JAG2: variants seen among roughly 807,000 people sequenced by gnomAD.
JAG2 encodes protein jagged-2.
A neutral mutation model predicts 141.7 loss-of-function variants in JAG2; 46 were observed. That is an observed-to-expected ratio of 0.32 (90% CI 0.26 to 0.42). The LOEUF (loss-of-function observed/expected upper bound fraction) is 0.42. Among genes scored for constraint, JAG2 ranks in the 10% least tolerant of loss-of-function variants. JAG2 has a pLI of 1.00. For synonymous variants in JAG2, 862 were observed against 763.5 expected (o/e 1.13, Z -2.13); for missense variants, 1,500 against 1,817.5 (o/e 0.83, Z 3.18).
intron 20 of JAG2, chr14:105,147,053 G>A (rs1888246977): frequency 5.0e-6 from 3 of 602,544 alleles, no homozygotes; most frequent in South Asian, 2.0e-5. Flanking sequence ...GGCCACAGAG[G>A]AGCCCACGTC....
intron 9 of JAG2, 28 bp from the exon 10 acceptor site, chr14:105,151,132 G>GGGGCTCGGGCCCTGCCT (rs1212312579): frequency 6.3e-7 from 1 of 1,586,362 alleles, no homozygotes; most frequent in Non-Finnish European, 8.6e-7. Context: ...TGGGAGCCGT[G>GGGGCTCGGGCCCTGCCT]GGGCTCGGGC....
Position 105,147,308 on chromosome 14 carries a change from G to T in JAG2, c.2479+18C>A, listed in dbSNP as rs1340817903. On this transcript the variant is annotated intron_variant, in intron 20 of 25. Transcript: ENST00000331782. ...TGGGCTGAGGGGCTCCCAGGGCTGG[G>T]GCTGTCTGGCCACTCACTGATGCGG... 2 of 1,549,012 alleles carry T rather than the reference G, an allele frequency of 1.3e-6. No individual in the cohort carries two copies. The highest frequency in any genetic ancestry group is 2.0e-5 in the Admixed American group (1 of 51,210).
chr14:105,165,474 A>G (rs959895292), intron 2 of JAG2, among the ~76,000 whole-genome samples: 2 of 152,218 alleles, frequency 1.3e-5, no homozygotes, highest in Non-Finnish European at 2.9e-5. Flanking sequence ...AGGGGCAGCC[A>G]GGCAGCCTGC....
intron 5 of JAG2, among the ~76,000 whole-genome samples, 192 bp from the exon 6 acceptor site, chr14:105,152,483 C>T (rs1029416793): frequency 1.3e-5 from 2 of 152,198 alleles, no homozygotes; most frequent in Non-Finnish European, 1.5e-5. Context: ...CATTCCCGGC[C>T]GCTGGCTGCC....
In JAG2 at chr14:105,168,076, T is replaced by C. The variant is rs1461458061; in HGVS notation, c.98A>G (p.Gln33Arg). 1 of 1,587,458 alleles carries C rather than the reference T, an allele frequency of 6.3e-7. No homozygotes were observed. The highest frequency in any genetic ancestry group is 1.1e-5 in the South Asian group (1 of 89,922). Residue 33 changes from glutamine to arginine, a missense_variant, in exon 2 of 26, where the codon CAG becomes CGG. This residue lies in a region of JAG2 where 200 missense variants were observed against 174.3 expected (regional missense o/e 1.15). Coordinates refer to ENST00000331782, the MANE Select transcript of JAG2 (RefSeq NM_002226.5). Reference sequence around the variant, plus strand: ...GTTCACGTTCCGCAGCGCGCTCAGCTGCAGCTCGAAATAGCCCATGGGCCG... The same window carrying C: ...GTTCACGTTCCGCAGCGCGCTCAGCCGCAGCTCGAAATAGCCCATGGGCCG... ...AARPMGYFEL[Q>R]LSALRNVNGE...
intron 18 of JAG2, 71 bp downstream of exon 18, chr14:105,147,701 G>A: frequency 2.5e-6 from 3 of 1,188,522 alleles, no homozygotes; most frequent in Admixed American, 2.0e-5. Flanking sequence ...GGGACTGGGG[G>A]GCGAGTCGGG....
In JAG2 at chr14:105,148,180, G is replaced by A. The variant is rs375744729; in HGVS notation, c.2184C>T (p.Tyr728=). The A allele has an allele frequency of 1.4e-5, 22 of 1,553,154 alleles. No homozygotes were observed. The highest frequency in any genetic ancestry group is 1.2e-4 in the African/African-American group (9 of 73,204). ...CGCAGCGGAAGGTGTCGCCGCTGTC[G>A]TAGCAGGTGCCACCGTTGCTGCAGG... ...AYTCSNGGTC[Y]DSGDTFRCAC... Residue 728 remains tyrosine, a synonymous_variant, in exon 17 of 26, where the codon TAC becomes TAT. Transcript: ENST00000331782.
rs1024759166 is a variant in JAG2, at chr14:105,167,623, C to A, written c.417+134G>T. 1.0e-5 allele frequency: 11 copies of A among 1,061,570 alleles called. No individual in the cohort carries two copies. Among genetic ancestry groups the A allele is most frequent in the Middle Eastern group, 7.6e-4 (2 of 2,644 alleles). 65.8% of individuals were successfully genotyped at this position (1,061,570 alleles called of 1,614,324 possible). On this transcript the variant is annotated intron_variant, in intron 2 of 25. Transcript: ENST00000331782. This position sits in a 1 kb window ranked among gnomAD's most constrained non-coding sequence, Gnocchi z 4.8. ...AAGTCCCCAGAGCACGCGCCCCCTG[C>A]CGGCCCCGCCCCGCCTGGGCGCGCG... is the stretch of plus-strand genomic sequence containing the variant.
At chr14:105,143,999 G>C (rs1888146654) in intron 24 of JAG2, among the ~76,000 whole-genome samples, 1 of 143,304 alleles carries the variant, frequency 7.0e-6, no homozygotes, top group Non-Finnish European at 1.5e-5. Flanking sequence ...GGCAGTGAGG[G>C]GTGGGGGGAA....
intron 15 of JAG2, 63 bp downstream of exon 15, chr14:105,148,682 G>T: frequency 7.2e-7 from 1 of 1,384,194 alleles, no homozygotes; most frequent in Non-Finnish European, 1.0e-6. Context: ...GTCCATCTCA[G>T]GGTGATAAGG....
rs756081648 is a variant in JAG2 at position 105,149,045 on chromosome 14, T to G, written c.1798A>C (p.Thr600Pro). The change falls in exon 14 of 26, where the codon ACA (threonine) becomes CCA (proline). Residue 600 changes from threonine to proline, a missense_variant. Thr to Pro is a conservative substitution (Grantham distance 38). Transcript: ENST00000331782. The stretch of plus-strand genomic sequence containing the variant: ...GGGCCACACACGCCGGAGGCTGCTG[T>G]GCCAGGCATCCCAGGCCCCGCGTCT... ...GSDAGPGMPG[T>P]AASGVCGPHG... 3 of 1,608,818 alleles carry G rather than the reference T, an allele frequency of 1.9e-6. No homozygotes were observed. Among genetic ancestry groups the G allele is most frequent in the Non-Finnish European group, 2.5e-6 (3 of 1,178,418 alleles).
In JAG2 at chr14:105,142,778, G is replaced by T; in HGVS notation, c.3634C>A (p.Pro1212Thr). The change falls in exon 26 of 26, where the codon CCG becomes ACG. Residue 1212 changes from proline (P) to threonine (T), a missense_variant. Around this residue, in one of 3 missense-constraint regions of JAG2, gnomAD observed 425 missense variants for 441.0 expected, o/e 0.96. Transcript: ENST00000331782. The part of the protein sequence containing the change: ...TKDPGRSPGR[P>T]AHWASGPKVD... The stretch of plus-strand genomic sequence containing the variant: ...TTGGGGCCTGAGGCCCAGTGGGCCG[G>T]CCTCCCCGGCGAGCGGCCAGGATCT... 4 of 1,610,936 alleles carry T rather than the reference G, an allele frequency of 2.5e-6. No individual in the cohort carries two copies. Among genetic ancestry groups the T allele is most frequent in the East Asian group, 2.2e-5 (1 of 44,832 alleles).
At chr14:105,149,759 C>G (rs930066274) in intron 12 of JAG2, among the ~76,000 whole-genome samples, 6 of 145,000 alleles carry the variant, frequency 4.1e-5, no homozygotes, top group African/African-American at 1.5e-4. Context: ...CCATCCTCTG[C>G]ACCAAGGCCA....
chr14:105,165,338 C>T lies in JAG2; in HGVS notation c.417+2419G>A, dbSNP rs587620723. ...CCACCTGCCATGCCTACAGAGCACC[C>T]GGGGTGCGTGCACACACGCAGCTGG... On this transcript the variant is annotated intron_variant, in intron 2 of 25. Transcript: ENST00000331782. Among the ~76,000 whole-genome samples, 27 of 152,362 alleles carry T rather than the reference C, an allele frequency of 1.8e-4. No individual in the cohort carries two copies. The East Asian group carries it at 2.9e-3, about 16-fold the overall frequency.
At position 105,150,676 on chromosome 14, in the gene JAG2, G is replaced by A. The variant is rs587637814; in HGVS notation, c.1530C>T (p.Gly510=). The A allele has an allele frequency of 1.2e-4, 180 of 1,551,494 alleles. 2 individuals are homozygous for A. The South Asian group carries it at 1.8e-3, about 15-fold the overall frequency. The part of the protein sequence containing the change: ...DECASSPCHS[G]GLCEDLADGF... Reference sequence around the variant, plus strand: ...CGTCGGCCAGGTCCTCGCAGAGGCCGCCGCTGTGGCAGGGGCTGCTGGCAC... The same window carrying A: ...CGTCGGCCAGGTCCTCGCAGAGGCCACCGCTGTGGCAGGGGCTGCTGGCAC... The change falls in exon 12 of 26, where the codon GGC becomes GGT. Residue 510 remains glycine (G), a synonymous_variant. Transcript: ENST00000331782.
Position 105,167,769 on chromosome 14 carries a change from C to T in JAG2, c.405G>A (p.Gln135=), listed in dbSNP as rs774053798. 1.8e-5 allele frequency: 27 copies of T among 1,460,776 alleles called. No individual in the cohort carries two copies. In the South Asian group the frequency reaches 3.4e-4, roughly 18 times the overall value. 90.5% of individuals were successfully genotyped at this position (1,460,776 alleles called of 1,614,324 possible). The change falls in exon 2 of 26, where the codon CAG becomes CAA. Residue 135 remains glutamine (Q), a synonymous_variant. Coordinates refer to ENST00000331782, the MANE Select transcript of JAG2 (RefSeq NM_002226.5). The surrounding 1 kb of genome is among the most constrained non-coding windows in gnomAD (Gnocchi z 4.8). The part of the protein sequence containing the change: ...QDPGLVVIPF[Q]FAWPRSFTLI... ...GGAGCGCACGTACCGGCCAGGCGAA[C>T]TGGAAGGGGATGACGACGAGGCCCG...
At chr14:105,164,651 C>T (rs1372858420) in intron 2 of JAG2, among the ~76,000 whole-genome samples, 4 of 152,104 alleles carry the variant, frequency 2.6e-5, no homozygotes, top group Admixed American at 6.5e-5. Flanking sequence ...AGCCCTAGGG[C>T]GGCTGGATGC....
At chr14:105,168,275 C>T in intron 1 of JAG2, 80 bp downstream of exon 1, 1 of 714,138 alleles carries the variant, frequency 1.4e-6, no homozygotes, top group African/African-American at 1.9e-5. Flanking sequence ...ACGGCGGCCC[C>T]AGGCAGTGCC....
At position 105,154,866 on chromosome 14, in the gene JAG2, G is replaced by T. The variant is rs993410147; in HGVS notation, c.788+696C>A. Among the ~76,000 whole-genome samples, 2 of 151,846 alleles carry T rather than the reference G, an allele frequency of 1.3e-5. No individual in the cohort carries two copies. The highest frequency in any genetic ancestry group is 2.9e-5 in the Non-Finnish European group (2 of 67,962). ...TGGCTCTGCTACTCAGCAGCTTGGG[G>T]TTCTCCCTGACTCCACACCCTTCCT... On this transcript the variant is annotated intron_variant, in intron 5 of 25. Transcript: ENST00000331782. The surrounding 1 kb of genome is among the most constrained non-coding windows in gnomAD (Gnocchi z 4.4).
Sources: gnomAD v4.1 joint callset for allele counts (sites outside exome capture counted in the v4.1 genomes callset) on GRCh38, gnomAD v4.1.1 for gene constraint, gnomAD v4.1.1 regional missense constraint, Gnocchi (gnomAD v3.1) non-coding constraint, MANE v1.5 for transcripts, NCBI Gene and HGNC (gene_info 2026-07-23, HGNC 2026-07-21) for gene names.